The following EDIL3 variants were observed in gnomAD, a reference collection of about 807,000 sequenced individuals.
EDIL3 encodes EGF like and discoidin domains 3.
In EDIL3, 37 loss-of-function variants were observed where a neutral mutation model predicts 67.4. The ratio of observed to expected loss-of-function variants is 0.55; its 90% CI spans 0.42 to 0.72. The LOEUF (loss-of-function observed/expected upper bound fraction) is 0.72. EDIL3 is among the 30% of genes least tolerant of loss of function. The pLI, the probability that EDIL3 is intolerant of heterozygous loss-of-function variation, is 0.00. For missense variants in EDIL3, 527 were observed against 586.3 expected, an observed-to-expected ratio of 0.90 and a Z score of 1.04; for synonymous variants, 195 against 196.3, an observed-to-expected ratio of 0.99 and a Z score of 0.05.
chr5:83,957,507 A>G (rs568720948), intron 10 of EDIL3, among the ~76,000 whole-genome samples: 1 of 151,866 alleles, frequency 6.6e-6, no homozygotes, highest in South Asian at 2.1e-4. Flanking sequence ...CAGAAATGAC[A>G]GGATGCTCTG....
At chr5:83,959,283 T>C (rs1201285099) in intron 10 of EDIL3, among the ~76,000 whole-genome samples, 1 of 149,762 alleles carries the variant, frequency 6.7e-6, no homozygotes, top group East Asian at 2.0e-4. Flanking sequence ...GTCACTCTGA[T>C]TAATAAAAAA....
chr5:84,330,401 G>T lies in EDIL3; in HGVS notation c.67+53907C>A, dbSNP rs1746844390. Reference sequence around the variant, plus strand: ...ATTAGTATAATTATAGATCTCAAAGGTATACTCAACATCTTTTTAAAAAAT... The same window carrying T: ...ATTAGTATAATTATAGATCTCAAAGTTATACTCAACATCTTTTTAAAAAAT... On this transcript the variant is annotated intron_variant, in intron 1 of 10. Transcript: ENST00000296591. 2.0e-5 allele frequency among the ~76,000 whole-genome samples: 3 copies of T among 152,172 alleles called. No individual in the cohort carries two copies. The South Asian group carries it at 6.2e-4, about 32-fold the overall frequency.
intron 1 of EDIL3, among the ~76,000 whole-genome samples, chr5:84,299,969 G>C (rs1386754650): frequency 6.6e-6 from 1 of 152,158 alleles, no homozygotes. Flanking sequence ...ACCATGTCTA[G>C]TCTGAATTTA....
intron 9 of EDIL3, among the ~76,000 whole-genome samples, chr5:84,010,185 A>C (rs1745493121): frequency 6.6e-6 from 1 of 152,204 alleles, no homozygotes; most frequent in East Asian, 1.9e-4. Flanking sequence ...AATGTTTCAC[A>C]TTGACATCTC....
intron 1 of EDIL3, among the ~76,000 whole-genome samples, chr5:84,364,357 T>C (rs886604942): frequency 5.3e-5 from 8 of 152,220 alleles, no homozygotes; most frequent in African/African-American, 1.9e-4. Context: ...CAGAATTGTC[T>C]TTTGATACCT....
At position 83,957,920 on chromosome 5, in the gene EDIL3, C is replaced by T. The variant is rs116491173; in HGVS notation, c.1293+5285G>A. On this transcript the variant is annotated intron_variant, in intron 10 of 10. Transcript: ENST00000296591. Reference sequence around the variant, plus strand: ...ACAGTTGGATGAATATAAATTTCACCTCCTTCTAGATGATCCCCCCATCTA... The same window carrying T: ...ACAGTTGGATGAATATAAATTTCACTTCCTTCTAGATGATCCCCCCATCTA... Among the ~76,000 whole-genome samples, 1,025 of 151,616 alleles carry T rather than the reference C, an allele frequency of 6.8e-3. 7 individuals carry two copies. The highest frequency in any genetic ancestry group is 0.017 in the Middle Eastern group (5 of 294).
At chr5:84,164,253 T>G (rs1254713852) in intron 4 of EDIL3, among the ~76,000 whole-genome samples, 3 of 152,104 alleles carry the variant, frequency 2.0e-5, no homozygotes, top group African/African-American at 7.2e-5. Flanking sequence ...CTAGGATACT[T>G]ACTGGATTTG....
chr5:84,179,786 C>A (rs956084341), intron 4 of EDIL3, among the ~76,000 whole-genome samples: 1 of 152,090 alleles, frequency 6.6e-6, no homozygotes, highest in African/African-American at 2.4e-5. Context: ...TGCTAAGGCA[C>A]CACACCATTC....
chr5:84,015,739 A>G (rs1580280443), intron 9 of EDIL3, among the ~76,000 whole-genome samples: 1 of 152,194 alleles, frequency 6.6e-6, no homozygotes, highest in East Asian at 1.9e-4. Flanking sequence ...CATCAGCTCT[A>G]AAACTCATGG....
chr5:84,305,879 A>AAAAG (rs1746256140), intron 1 of EDIL3, among the ~76,000 whole-genome samples: 1 of 144,754 alleles, frequency 6.9e-6, no homozygotes. Context: ...ACTTGGTCTT[A>AAAAG]AAAGTAAATA....
chr5:84,267,939 C>G (rs1371420227), intron 1 of EDIL3, among the ~76,000 whole-genome samples: 1 of 152,096 alleles, frequency 6.6e-6, no homozygotes, highest in Non-Finnish European at 1.5e-5. Context: ...GAGTTCGAGG[C>G]CAGCCTGGGC....
intron 1 of EDIL3, among the ~76,000 whole-genome samples, chr5:84,347,672 G>A (rs1348283967): frequency 6.6e-6 from 1 of 152,134 alleles, no homozygotes; most frequent in Admixed American, 6.5e-5. Context: ...TATTATACAA[G>A]TCTATCTTTT....
At chr5:84,041,805 C>G (rs866778794) in intron 9 of EDIL3, among the ~76,000 whole-genome samples, 6 of 151,748 alleles carry the variant, frequency 4.0e-5, no homozygotes, top group African/African-American at 7.3e-5. Context: ...ATATGCCTAA[C>G]AGAACAGATG....
At chr5:84,126,333 G>C (rs1022808879) in intron 5 of EDIL3, among the ~76,000 whole-genome samples, 1 of 151,946 alleles carries the variant, frequency 6.6e-6, no homozygotes, top group African/African-American at 2.4e-5. Flanking sequence ...ATTAACTCAG[G>C]TTTCTAAACC....
chr5:83,987,092 C>T (rs1745068952), intron 9 of EDIL3, among the ~76,000 whole-genome samples: 1 of 152,116 alleles, frequency 6.6e-6, no homozygotes, highest in South Asian at 2.1e-4. Context: ...ATCCTTTAAC[C>T]TCTCTGGACT....
chr5:84,113,127 C>T (rs973494676), intron 5 of EDIL3, among the ~76,000 whole-genome samples: 5 of 152,016 alleles, frequency 3.3e-5, no homozygotes, highest in South Asian at 4.1e-4. Flanking sequence ...TCTGAAATTC[C>T]CCATTGTTAC....
intron 6 of EDIL3, among the ~76,000 whole-genome samples, chr5:84,091,680 G>C (rs1314264724): frequency 6.6e-6 from 1 of 152,160 alleles, no homozygotes; most frequent in African/African-American, 2.4e-5. Flanking sequence ...CTAGTTCCCA[G>C]AAGATAAACA....
At chr5:84,209,633 A>AT (rs976509594) in intron 3 of EDIL3, among the ~76,000 whole-genome samples, 9 of 101,992 alleles carry the variant, frequency 8.8e-5, no homozygotes, top group East Asian at 4.3e-4. Flanking sequence ...AACTAAACTT[A>AT]TTAAAAAAAA....
At chr5:84,215,629 T>C (rs1744213382) in intron 3 of EDIL3, among the ~76,000 whole-genome samples, 1 of 152,178 alleles carries the variant, frequency 6.6e-6, no homozygotes, top group Non-Finnish European at 1.5e-5. Flanking sequence ...GGAGAATGTG[T>C]GAACTTTTTA....
Sources: gnomAD v4.1 joint callset for allele counts (sites outside exome capture counted in the v4.1 genomes callset) on GRCh38, gnomAD v4.1.1 for gene constraint, MANE v1.5 for transcripts, NCBI Gene and HGNC (gene_info 2026-07-23, HGNC 2026-07-21) for gene names.